MTMR8: variants seen among roughly 807,000 people sequenced by gnomAD.
MTMR8 encodes myotubularin related protein 8, also known as phosphatidylinositol-3,5-bisphosphate 3-phosphatase MTMR8.
Under a neutral mutation model 39.3 loss-of-function variants are expected in MTMR8, and 65 were observed. The observed-to-expected ratio is 1.65, with a 90% CI of 1.35 to 2.03. The LOEUF is 2.03. Among genes scored for constraint, MTMR8 ranks in the 30% most tolerant of loss-of-function variants. The pLI is 0.00. For synonymous variants in MTMR8, 245 were observed against 185.2 expected (o/e 1.32, Z -2.62); for missense variants, 777 against 538.9 (o/e 1.44, Z -4.37).
At chrX:64,287,026 C>T (rs1454717363) in intron 12 of MTMR8, among the ~76,000 whole-genome samples, 2 of 111,276 alleles carry the variant, frequency 1.8e-5, no homozygotes, top group Non-Finnish European at 3.8e-5. Context: ...TCAAATTGTC[C>T]CTGTTTGCAG....
In MTMR8 at chrX:64,331,666, AG is replaced by A; in HGVS notation, c.1242del (p.Cys415ValfsTer36). ...DCIWQLMEQF[P>X]CAFEFNENFL... ...AAGTTTTCATTAAACTCAAAGGCAC[AG>A]GGAAACTGTTCCATTAATTGCCAGA... On this transcript the variant is annotated frameshift_variant, in exon 11 of 14. Transcript: ENST00000374852. LOFTEE classifies it high-confidence loss of function. 8.3e-7 allele frequency: 1 copy of A among 1,210,530 alleles called. No individual in the cohort carries two copies. Among genetic ancestry groups the A allele is most frequent in the Non-Finnish European group, 1.1e-6 (1 of 894,485 alleles).
chrX:64,380,185 A>T (rs1210064069), intron 1 of MTMR8, among the ~76,000 whole-genome samples: 2 of 112,441 alleles, frequency 1.8e-5, no homozygotes, highest in African/African-American at 6.5e-5. Flanking sequence ...TATTACAAAC[A>T]CCAAATGAAT....
chrX:64,293,724 A>C (rs1921476468), intron 12 of MTMR8, among the ~76,000 whole-genome samples: 1 of 111,185 alleles, frequency 9.0e-6, no homozygotes, highest in Admixed American at 9.6e-5. Flanking sequence ...AAATCTCCCT[A>C]ATCCTAAGAA....
chrX:64,304,328 A>C (rs1429948706), intron 12 of MTMR8, among the ~76,000 whole-genome samples: 1 of 111,918 alleles, frequency 8.9e-6, no homozygotes, highest in Non-Finnish European at 1.9e-5. Context: ...CAGCCACCTG[A>C]AGGCAAATCA....
chrX:64,286,416 T>A (rs911863730), intron 12 of MTMR8, among the ~76,000 whole-genome samples: 1 of 112,147 alleles, frequency 8.9e-6, no homozygotes, highest in Non-Finnish European at 1.9e-5. Flanking sequence ...CTTCTGAAAC[T>A]ACTCCAATCA....
chrX:64,300,088 T>G (rs1225787263), intron 12 of MTMR8, among the ~76,000 whole-genome samples: 1 of 100,761 alleles, frequency 9.9e-6, no homozygotes, highest in Non-Finnish European at 2.0e-5. Flanking sequence ...TGTAGATGTC[T>G]ATTAGGTCTG....
intron 10 of MTMR8, among the ~76,000 whole-genome samples, chrX:64,333,317 C>T (rs1922990024): frequency 9.0e-6 from 1 of 111,340 alleles, no homozygotes; most frequent in African/African-American, 3.3e-5. Flanking sequence ...CATTTCATAT[C>T]TTCCTTCACT....
intron 1 of MTMR8, among the ~76,000 whole-genome samples, chrX:64,375,380 G>A (rs953102589): frequency 9.0e-6 from 1 of 110,626 alleles, no homozygotes; most frequent in African/African-American, 3.3e-5. Flanking sequence ...GTAAAGGGAT[G>A]GAGAAAGATA....
chrX:64,309,500 G>T lies in MTMR8; in HGVS notation c.1481+19272C>A, dbSNP rs762293004. Among the ~76,000 whole-genome samples the T allele has an allele frequency of 1.9e-4, 21 of 110,803 alleles. No homozygotes were observed. In the East Asian group the frequency reaches 6.0e-3, roughly 32 times the overall value. ...TGTTCTCTGGTTTTCTAGATTCGTT[G>T]GGATTTTTTCTACATAAACAATCAT... is the stretch of plus-strand genomic sequence containing the variant. On this transcript the variant is annotated intron_variant, in intron 12 of 13. Coordinates refer to ENST00000374852, the MANE Select transcript of MTMR8 (RefSeq NM_017677.4).
intron 12 of MTMR8, among the ~76,000 whole-genome samples, chrX:64,311,941 G>T (rs1030072939): frequency 9.0e-6 from 1 of 110,933 alleles, no homozygotes; most frequent in African/African-American, 3.3e-5. Flanking sequence ...GTAGCGTGAT[G>T]CCTCCAGCTT....
intron 12 of MTMR8, among the ~76,000 whole-genome samples, chrX:64,295,928 T>A (rs1373551456): frequency 1.8e-5 from 2 of 111,807 alleles, no homozygotes; most frequent in Non-Finnish European, 3.8e-5. Context: ...AATATAAAAT[T>A]ACCATATGAT....
chrX:64,325,971 T>C (rs761107045), intron 12 of MTMR8, among the ~76,000 whole-genome samples: 1 of 111,978 alleles, frequency 8.9e-6, no homozygotes, highest in South Asian at 3.7e-4. Flanking sequence ...AAAACTTAAC[T>C]ACCAGTAGCC....
chrX:64,269,244 G>T (rs778848310), intron 13 of MTMR8, among the ~76,000 whole-genome samples: 1 of 111,149 alleles, frequency 9.0e-6, no homozygotes, highest in Non-Finnish European at 1.9e-5. Flanking sequence ...GAATGTCAAA[G>T]GTCTTATATC....
At chrX:64,336,357 C>T (rs1271196988) in intron 9 of MTMR8, among the ~76,000 whole-genome samples, 3 of 111,294 alleles carry the variant, frequency 2.7e-5, no homozygotes, top group Non-Finnish European at 5.6e-5. Flanking sequence ...TTTCCTTTGG[C>T]TTTCACATGT....
At chrX:64,289,117 C>A (rs1396969388) in intron 12 of MTMR8, among the ~76,000 whole-genome samples, 1 of 110,295 alleles carries the variant, frequency 9.1e-6, no homozygotes, top group Non-Finnish European at 1.9e-5. Flanking sequence ...AGGACTTTGT[C>A]ATTTCTCCAA....
chrX:64,350,005 T>A lies in MTMR8; in HGVS notation c.534A>T (p.Gly178=). Residue 178 remains glycine (G), a synonymous_variant, in exon 5 of 14, where the codon GGA becomes GGT. Transcript: ENST00000374852. ...PKSVTLGTVV[G]SSKFRSKERV... is the part of the protein sequence containing the mutation. ...GTTCTTTACTTCTGAACTTTGAACT[T>A]CCAACCACCGTTCCCAAGGTAACAG... 1 of 1,196,027 alleles carries A rather than the reference T, an allele frequency of 8.4e-7. No individual in the cohort carries two copies. The highest frequency in any genetic ancestry group is 1.1e-6 in the Non-Finnish European group (1 of 886,432).
chrX:64,294,746 A>G (rs1457856074), intron 12 of MTMR8, among the ~76,000 whole-genome samples: 1 of 111,747 alleles, frequency 8.9e-6, no homozygotes, highest in Non-Finnish European at 1.9e-5. Context: ...TGACAGAAGG[A>G]GAAAACAATG....
intron 12 of MTMR8, among the ~76,000 whole-genome samples, chrX:64,319,679 T>G (rs1392834743): frequency 5.9e-4 from 65 of 110,261 alleles, no homozygotes; most frequent in African/African-American, 1.4e-3. Flanking sequence ...CCCATTGCTT[T>G]TTTTTGTCAG....
chrX:64,367,776 A>G (rs1181822828), intron 1 of MTMR8, among the ~76,000 whole-genome samples: 6 of 111,675 alleles, frequency 5.4e-5, no homozygotes, highest in African/African-American at 2.0e-4. Context: ...CAGGCAAGAG[A>G]AAGAAATAAA....
Sources: allele counts gnomAD v4.1 joint callset (sites outside exome capture counted in the v4.1 genomes callset), GRCh38; gene constraint gnomAD v4.1.1; transcripts MANE v1.5; gene names NCBI Gene and HGNC (gene_info 2026-07-23, HGNC 2026-07-21).